BNC2: variants seen among roughly 807,000 people sequenced by gnomAD.
BNC2 encodes basonuclin zinc finger protein 2, also known as zinc finger protein basonuclin-2.
BNC2 carries 20 observed loss-of-function variants against 76.3 expected under a neutral mutation model. The observed-to-expected ratio is 0.26, with a 90% CI of 0.18 to 0.38. The LOEUF (loss-of-function observed/expected upper bound fraction) is 0.38. Among genes scored for constraint, BNC2 ranks in the 10% least tolerant of loss-of-function variants. The probability of loss-of-function intolerance (pLI) is 1.00; values close to 1 mark genes in which losing one functional copy is unlikely to be tolerated. For synonymous variants in BNC2, 582 were observed against 514.8 expected (o/e 1.13, Z -1.77); for missense variants, 1,382 against 1,399.8 (o/e 0.99, Z 0.20).
rs1456576025 is a variant in BNC2, at chr9:16,410,158, C to T, written c.*8831G>A. 6.6e-6 allele frequency: 1 copy of T among 152,160 alleles called. No homozygotes were observed. The highest frequency in any genetic ancestry group is 1.5e-5 in the Non-Finnish European group (1 of 68,050). 9.4% of individuals were successfully genotyped at this position (152,160 alleles called of 1,614,324 possible). Reference sequence around the variant, plus strand: ...TAGTTCTAAAAGGCCTAGTCCATCACCAGCAGGAGAGAACAGAGAACTGGC... The same window carrying T: ...TAGTTCTAAAAGGCCTAGTCCATCATCAGCAGGAGAGAACAGAGAACTGGC... On this transcript the variant is annotated 3_prime_UTR_variant, in exon 7 of 7. Transcript: ENST00000380672.
intron 6 of BNC2, chr9:16,431,626 ACTACACCTTG>A (rs1820909623): frequency 3.6e-6 from 1 of 279,140 alleles, no homozygotes; most frequent in Admixed American, 3.9e-5. Flanking sequence ...AAAATCTAAC[ACTACACCTTG>A]CTATCAGGAT....
At chr9:16,424,069 TC>T (rs995614325) in intron 6 of BNC2, among the ~76,000 whole-genome samples, 23 of 152,198 alleles carry the variant, frequency 1.5e-4, no homozygotes, top group Admixed American at 1.4e-3. Context: ...AGACATGAAA[TC>T]CATCAAACGT....
chr9:16,566,484 G>C (rs939965009), intron 4 of BNC2, among the ~76,000 whole-genome samples: 2 of 152,160 alleles, frequency 1.3e-5, no homozygotes, highest in African/African-American at 4.8e-5. Flanking sequence ...GGCGCTGCTA[G>C]CTAAGCAGGA....
intron 3 of BNC2, among the ~76,000 whole-genome samples, chr9:16,684,994 C>T (rs1437212024): frequency 6.6e-6 from 1 of 152,128 alleles, no homozygotes; most frequent in Non-Finnish European, 1.5e-5. Flanking sequence ...TTCATTAAGT[C>T]CTGCTTTTCT....
chr9:16,647,261 G>C (rs992233746), intron 3 of BNC2, among the ~76,000 whole-genome samples: 1 of 152,100 alleles, frequency 6.6e-6, no homozygotes, highest in South Asian at 2.1e-4. Flanking sequence ...TTGCCAAAAA[G>C]GGGTAGGTGG....
At chr9:16,464,280 G>A (rs138874824) in intron 5 of BNC2, among the ~76,000 whole-genome samples, 1 of 152,166 alleles carries the variant, frequency 6.6e-6, no homozygotes, top group African/African-American at 2.4e-5. Flanking sequence ...GACTGGCATG[G>A]CACACAGGCC....
chr9:16,736,925 G>A (rs1824689297), intron 2 of BNC2, among the ~76,000 whole-genome samples: 1 of 151,944 alleles, frequency 6.6e-6, no homozygotes, highest in Non-Finnish European at 1.5e-5. Context: ...TACTGCCCCA[G>A]CCTCCCGAGT....
intron 5 of BNC2, among the ~76,000 whole-genome samples, chr9:16,489,792 A>G (rs542983645): frequency 5.9e-5 from 9 of 152,326 alleles, no homozygotes; most frequent in African/African-American, 1.9e-4. Flanking sequence ...ACCCTCTAAA[A>G]ATTTCATACA....
At chr9:16,769,159 G>A (rs1296384800) in intron 1 of BNC2, among the ~76,000 whole-genome samples, 2 of 152,148 alleles carry the variant, frequency 1.3e-5, no homozygotes, top group African/African-American at 2.4e-5. Context: ...AAGTTCCTGG[G>A]CCTTAACAAC....
At position 16,418,786 on chromosome 9, in the gene BNC2, GA is replaced by G. The variant is rs939781429; in HGVS notation, c.*202del. The G allele has an allele frequency of 4.8e-6, 3 of 626,930 alleles. No homozygotes were observed. The highest frequency in any genetic ancestry group is 1.9e-5 in the African/African-American group (1 of 53,182). 38.8% of individuals were successfully genotyped at this position (626,930 alleles called of 1,614,324 possible). A position where few individuals can be genotyped will look rare whatever the true frequency, so the allele number is the denominator to read the frequency against. On this transcript the variant is annotated 3_prime_UTR_variant, in exon 7 of 7. Coordinates refer to ENST00000380672, the MANE Select transcript of BNC2 (RefSeq NM_017637.6). Reference sequence around the variant, plus strand: ...CTTTCCCAAAACTATAAAGGGAAGTGAAAAAAATTCAAAAGCACCTAGTGTT... The same window carrying G: ...CTTTCCCAAAACTATAAAGGGAAGTGAAAAAATTCAAAAGCACCTAGTGTT...
At chr9:16,633,519 T>C (rs1282361734) in intron 3 of BNC2, among the ~76,000 whole-genome samples, 3 of 152,232 alleles carry the variant, frequency 2.0e-5, no homozygotes, top group African/African-American at 7.2e-5. Context: ...CTACCTCAAA[T>C]AACTTTTTTT....
chr9:16,680,525 A>C (rs1010464380), intron 3 of BNC2, among the ~76,000 whole-genome samples: 1 of 152,008 alleles, frequency 6.6e-6, no homozygotes, highest in Admixed American at 6.6e-5. Flanking sequence ...ACATTTCCAT[A>C]AACTAGAGAA....
chr9:16,849,796 G>A (rs1480576496), intron 1 of BNC2, among the ~76,000 whole-genome samples: 3 of 151,912 alleles, frequency 2.0e-5, no homozygotes, highest in Non-Finnish European at 4.4e-5. Flanking sequence ...AAACTGATTA[G>A]TATTACCTCA....
At chr9:16,748,640 C>T (rs746117328) in intron 1 of BNC2, among the ~76,000 whole-genome samples, 62 of 151,944 alleles carry the variant, frequency 4.1e-4, no homozygotes, top group Non-Finnish European at 8.4e-4. Context: ...GTCAAGAGTT[C>T]GAGATCAGAC....
intron 3 of BNC2, among the ~76,000 whole-genome samples, chr9:16,584,835 T>C (rs1587201205): frequency 6.6e-6 from 1 of 152,138 alleles, no homozygotes; most frequent in East Asian, 1.9e-4. Flanking sequence ...AAAAAGAGCT[T>C]AGAGGACAGC....
At chr9:16,735,493 C>T (rs1042280986) in intron 2 of BNC2, among the ~76,000 whole-genome samples, 1 of 151,320 alleles carries the variant, frequency 6.6e-6, no homozygotes, top group African/African-American at 2.4e-5. Flanking sequence ...ATGTTAATTT[C>T]TTTGTTTTTT....
chr9:16,477,072 G>C (rs1821943449), intron 5 of BNC2, among the ~76,000 whole-genome samples: 1 of 152,096 alleles, frequency 6.6e-6, no homozygotes, highest in African/African-American at 2.4e-5. Flanking sequence ...AGGACAGGAA[G>C]AAAAGGAGCA....
chr9:16,688,211 C>T (rs554956079), intron 3 of BNC2, among the ~76,000 whole-genome samples: 23 of 152,106 alleles, frequency 1.5e-4, no homozygotes, highest in Admixed American at 5.2e-4. Flanking sequence ...TCTTTCAACA[C>T]GGAAAGGCAA....
At chr9:16,474,191 T>A (rs183946854) in intron 5 of BNC2, among the ~76,000 whole-genome samples, 1 of 152,332 alleles carries the variant, frequency 6.6e-6, no homozygotes, top group East Asian at 1.9e-4. Flanking sequence ...TATCCTTGCA[T>A]ACTGAATAAA....
Sources: allele counts gnomAD v4.1 joint callset (sites outside exome capture counted in the v4.1 genomes callset), GRCh38; gene constraint gnomAD v4.1.1; transcripts MANE v1.5; gene names NCBI Gene and HGNC (gene_info 2026-07-23, HGNC 2026-07-21).